The following ST3GAL1 variants were observed in gnomAD, a reference collection of about 807,000 sequenced individuals.
The protein encoded by ST3GAL1 is CMP-N-acetylneuraminate-beta-galactosamide-alpha-2,3-sialyltransferase 1.
ST3GAL1 carries 16 observed loss-of-function variants against 34.1 expected under a neutral mutation model. The ratio of observed to expected loss-of-function variants is 0.47; its 90% CI spans 0.32 to 0.71. ST3GAL1 has a LOEUF of 0.71. Ranked by LOEUF, ST3GAL1 falls within the 30% of genes least tolerant of loss-of-function variation. The pLI, the probability that ST3GAL1 is intolerant of heterozygous loss-of-function variation, is 0.04. For synonymous variants in ST3GAL1, 191 were observed against 184.7 expected (o/e 1.03, Z -0.28); for missense variants, 353 against 447.4 (o/e 0.79, Z 1.90).
Position 133,541,112 on chromosome 8 carries a change from T to TAAAC in ST3GAL1, c.-429+4661_-429+4662insGTTT, listed in dbSNP as rs1438213053. Among the ~76,000 whole-genome samples the TAAAC allele has an allele frequency of 4.1e-3, 165 of 40,714 alleles. 11 individuals carry two copies. The highest frequency in any genetic ancestry group is 0.019 in the African/African-American group (147 of 7,676). 26.7% of individuals were successfully genotyped at this position (40,714 alleles called of 152,430 possible). A position where few individuals can be genotyped will look rare whatever the true frequency, so the allele number is the denominator to read the frequency against. ...ATATATAAACATATATATATATATA[T>TAAAC]ATATATATAGAGAGAGAGAGAGAGA... On this transcript the variant is annotated intron_variant, in intron 2 of 9. Transcript: ENST00000522652.
At chr8:133,532,742 A>T (rs1376225615) in intron 2 of ST3GAL1, among the ~76,000 whole-genome samples, 1 of 152,156 alleles carries the variant, frequency 6.6e-6, no homozygotes, top group Non-Finnish European at 1.5e-5. Context: ...GGACACGTTT[A>T]GCAATTTGCC....
At chr8:133,557,271 T>TA (rs1036082683) in intron 1 of ST3GAL1, among the ~76,000 whole-genome samples, 1 of 152,156 alleles carries the variant, frequency 6.6e-6, no homozygotes, top group African/African-American at 2.4e-5. Flanking sequence ...CTGTGCAGTG[T>TA]AAACACAGTG....
At chr8:133,560,885 G>A (rs572493465) in intron 1 of ST3GAL1, among the ~76,000 whole-genome samples, 6 of 152,104 alleles carry the variant, frequency 3.9e-5, no homozygotes, top group Non-Finnish European at 8.8e-5. Flanking sequence ...TAAGAAAAAA[G>A]TGGAAACATA....
chr8:133,464,790 C>T lies in ST3GAL1; in HGVS notation c.671G>A (p.Gly224Asp). ...AGGAGGGACTCACTGGGAAATGGTG[C>T]CCGTGGTGATGGCGCTCACCACCCA... is the stretch of plus-strand genomic sequence containing the variant. ...LEWVVSAITT[G>D]TISHTYIPVP... is the part of the protein sequence containing the mutation. The change falls in exon 7 of 10, where the codon GGC becomes GAC. Residue 224 changes from glycine (G) to aspartate (D), a missense_variant. Physicochemically the swap from Gly to Asp is moderately conservative, Grantham distance 94. Coordinates refer to ENST00000522652, the MANE Select transcript of ST3GAL1 (RefSeq NM_173344.3). 2 of 1,612,690 alleles carry T rather than the reference C, an allele frequency of 1.2e-6. No homozygotes were observed. The highest frequency in any genetic ancestry group is 1.7e-6 in the Non-Finnish European group (2 of 1,179,240).
At chr8:133,501,490 G>A (rs1334217078) in intron 2 of ST3GAL1, among the ~76,000 whole-genome samples, 3 of 152,208 alleles carry the variant, frequency 2.0e-5, no homozygotes, top group South Asian at 2.1e-4. Flanking sequence ...GGTTCAGCCT[G>A]TAATCCCAGC....
intron 2 of ST3GAL1, among the ~76,000 whole-genome samples, chr8:133,520,577 A>G (rs948963295): frequency 2.0e-5 from 3 of 152,150 alleles, no homozygotes; most frequent in Non-Finnish European, 4.4e-5. Flanking sequence ...CCTGCAGGGA[A>G]GCAGGGTCTC....
At chr8:133,543,717 GTAA>G (rs1818598704) in intron 2 of ST3GAL1, among the ~76,000 whole-genome samples, 2 of 152,046 alleles carry the variant, frequency 1.3e-5, no homozygotes, top group African/African-American at 4.8e-5. Context: ...ATTATTAGTA[GTAA>G]TAATAATTAT....
intron 2 of ST3GAL1, among the ~76,000 whole-genome samples, chr8:133,540,742 T>G (rs374377317): frequency 0.011 from 1,009 of 90,554 alleles, 34 homozygotes; most frequent in African/African-American, 0.032. Context: ...TATATATATA[T>G]AGACATATAT....
chr8:133,565,953 G>A (rs955010912), intron 1 of ST3GAL1, among the ~76,000 whole-genome samples: 2 of 152,246 alleles, frequency 1.3e-5, no homozygotes, highest in Non-Finnish European at 2.9e-5. Flanking sequence ...AGTTGTCCCA[G>A]GTGGGAACCA....
intron 2 of ST3GAL1, among the ~76,000 whole-genome samples, chr8:133,510,147 G>A (rs550746583): frequency 1.3e-5 from 2 of 151,682 alleles, no homozygotes; most frequent in Non-Finnish European, 2.9e-5. Context: ...TGTCCCTACT[G>A]CATCACACAC....
intron 2 of ST3GAL1, among the ~76,000 whole-genome samples, chr8:133,539,389 C>T (rs1218202225): frequency 1.3e-5 from 2 of 152,168 alleles, no homozygotes; most frequent in South Asian, 2.1e-4. Flanking sequence ...GCTCACAAAG[C>T]GGGCAAAGAA....
At chr8:133,487,293 GTA>G (rs34125913) in intron 3 of ST3GAL1, among the ~76,000 whole-genome samples, 12,717 of 150,332 alleles carry the variant, frequency 0.085, 673 homozygotes, top group Admixed American at 0.15. Context: ...AATACTATTG[GTA>G]TATATATATA....
In ST3GAL1 at chr8:133,463,501, C is replaced by T. The variant is rs373977592; in HGVS notation, c.684-42G>A. 3.0e-5 allele frequency: 49 copies of T among 1,609,480 alleles called. No individual in the cohort carries two copies. The Middle Eastern group carries it at 2.5e-3, about 81-fold the overall frequency. On this transcript the variant is annotated intron_variant, in intron 7 of 9. Coordinates refer to ENST00000522652, the MANE Select transcript of ST3GAL1 (RefSeq NM_173344.3). ...AGAAGCTGGTTAATGGGGCAGGGGA[C>T]AGGCCCAGGAACCTGGGCATGCAGC...
rs567969230 is a variant in ST3GAL1 at position 133,533,812 on chromosome 8, A to G, written c.-429+11962T>C. Among the ~76,000 whole-genome samples, 30 of 152,336 alleles carry G rather than the reference A, an allele frequency of 2.0e-4. 1 individual carries two copies. The highest frequency in any genetic ancestry group is 6.3e-4 in the African/African-American group (26 of 41,572). On this transcript the variant is annotated intron_variant, in intron 2 of 9. Coordinates refer to ENST00000522652, the MANE Select transcript of ST3GAL1 (RefSeq NM_173344.3). ...TATCTCTCTCCTGGGAACTTATCGAAAGGACATAGTTCAAATGACAGAAAA... is the reference window on the plus strand; with the variant it reads ...TATCTCTCTCCTGGGAACTTATCGAGAGGACATAGTTCAAATGACAGAAAA...
intron 2 of ST3GAL1, among the ~76,000 whole-genome samples, chr8:133,543,699 C>A (rs187293392): frequency 3.3e-5 from 5 of 152,048 alleles, no homozygotes; most frequent in Admixed American, 3.3e-4. Flanking sequence ...TAATTTAAAG[C>A]TATAATAATT....
chr8:133,497,565 T>G (rs1817000835), intron 3 of ST3GAL1, among the ~76,000 whole-genome samples: 1 of 142,770 alleles, frequency 7.0e-6, no homozygotes, highest in African/African-American at 2.6e-5. Flanking sequence ...CCGTGCCTCC[T>G]GGGTTCAAGC....
intron 1 of ST3GAL1, among the ~76,000 whole-genome samples, chr8:133,569,697 G>A (rs1336757629): frequency 1.3e-5 from 2 of 152,108 alleles, no homozygotes; most frequent in Admixed American, 6.5e-5. Flanking sequence ...GGGCAGGAAG[G>A]GGAGGTGCGG....
At chr8:133,511,818 C>T (rs112353836) in intron 2 of ST3GAL1, among the ~76,000 whole-genome samples, 1 of 152,124 alleles carries the variant, frequency 6.6e-6, no homozygotes, top group African/African-American at 2.4e-5. Flanking sequence ...CTTTGGGAGG[C>T]CGAGGCGGGC....
At chr8:133,520,338 C>T (rs1382971370) in intron 2 of ST3GAL1, among the ~76,000 whole-genome samples, 1 of 152,224 alleles carries the variant, frequency 6.6e-6, no homozygotes, top group East Asian at 1.9e-4. Context: ...TTCCATCTTG[C>T]TGGAGGCAGC....
Sources: allele counts gnomAD v4.1 joint callset (sites outside exome capture counted in the v4.1 genomes callset), GRCh38; gene constraint gnomAD v4.1.1; transcripts MANE v1.5; gene names NCBI Gene and HGNC (gene_info 2026-07-23, HGNC 2026-07-21).